The following ZNF212 variants were observed in gnomAD, a reference collection of about 807,000 sequenced individuals.
ZNF212 encodes Zinc finger protein C2H2-150.
In ZNF212, 32 loss-of-function variants were observed where a neutral mutation model predicts 47.3. The observed-to-expected ratio is 0.68, with a 90% CI of 0.51 to 0.91. ZNF212 has a LOEUF of 0.91. ZNF212 is among the 40% of genes least tolerant of loss of function. The probability of loss-of-function intolerance (pLI) is 0.00; values close to 1 mark genes in which losing one functional copy is unlikely to be tolerated. For synonymous variants in ZNF212, 242 were observed against 253.8 expected (o/e 0.95, Z 0.44); for missense variants, 555 against 622.8 (o/e 0.89, Z 1.16).
intron 3 of ZNF212, among the ~76,000 whole-genome samples, chr7:149,251,780 G>A (rs1358847619): frequency 2.0e-5 from 3 of 149,842 alleles, no homozygotes; most frequent in East Asian, 2.1e-4. Context: ...GTGAGCCTCC[G>A]CACCTGGCCT....
chr7:149,239,995 G>A, intron 1 of ZNF212, 193 bp downstream of exon 1: 1 of 646,468 alleles, frequency 1.5e-6, no homozygotes, highest in Non-Finnish European at 2.2e-6. Flanking sequence ...TCCTTCTGCA[G>A]CGGGGTCGGA....
In ZNF212 at chr7:149,239,701, CT is replaced by C; in HGVS notation, c.-77del. On this transcript the variant is annotated 5_prime_UTR_variant, in exon 1 of 5. Transcript: ENST00000335870. ...GGCGGCGGCGGCGGCTTCCAACAGG[CT>C]CTGGGGCGCCGAGCGGACAGGAACG... 8.4e-7 allele frequency: 1 copy of C among 1,192,772 alleles called. No individual in the cohort carries two copies. Among genetic ancestry groups the C allele is most frequent in the South Asian group, 3.4e-5 (1 of 29,068 alleles). 73.9% of individuals were successfully genotyped at this position (1,192,772 alleles called of 1,614,324 possible). A position where few individuals can be genotyped will look rare whatever the true frequency, so the allele number is the denominator to read the frequency against.
intron 1 of ZNF212, among the ~76,000 whole-genome samples, chr7:149,244,872 C>G (rs1277194947): frequency 6.6e-6 from 1 of 152,130 alleles, no homozygotes; most frequent in Non-Finnish European, 1.5e-5. Flanking sequence ...ATTTGCCCCA[C>G]TTGACAGAGA....
intron 1 of ZNF212, among the ~76,000 whole-genome samples, chr7:149,241,670 C>G (rs1455591010): frequency 6.6e-6 from 1 of 152,142 alleles, no homozygotes; most frequent in Non-Finnish European, 1.5e-5. Context: ...TACTTGGAGC[C>G]CCAAAACTTA....
chr7:149,242,742 A>G (rs1002141114), intron 1 of ZNF212, among the ~76,000 whole-genome samples: 1 of 152,244 alleles, frequency 6.6e-6, no homozygotes, highest in Non-Finnish European at 1.5e-5. Context: ...GTTAAAAACA[A>G]TTAAAATACA....
rs1269928842 is a variant in ZNF212 at position 149,252,770 on chromosome 7, G to C, written c.606G>C (p.Glu202Asp). The change falls in exon 4 of 5, where the codon GAG becomes GAC. Residue 202 changes from glutamate to aspartate, a missense_variant. Physicochemically the swap from Glu to Asp is conservative, Grantham distance 45 (BLOSUM62 2). Coordinates refer to ENST00000335870, the MANE Select transcript of ZNF212 (RefSeq NM_012256.4). Reference sequence around the variant, plus strand: ...CAGAGATGCTGGGTGACTTGGAAGAGGAAGGTCCTGGTGGTGCCCACCCAG... The same window carrying C: ...CAGAGATGCTGGGTGACTTGGAAGACGAAGGTCCTGGTGGTGCCCACCCAG... The part of the protein sequence containing the change: ...LGTEMLGDLE[E>D]EGPGGAHPAG... 1.2e-6 allele frequency: 2 copies of C among 1,614,070 alleles called. No homozygotes were observed. Among genetic ancestry groups the C allele is most frequent in the South Asian group, 2.2e-5 (2 of 91,076 alleles).
At position 149,239,679 on chromosome 7, in the gene ZNF212, G is replaced by GGCT; in HGVS notation, c.-98_-97insTGC. ...ATGCACCTGGCATCAACACGGCGGCGGCGGCGGCGGCTTCCAACAGGCTCT... is the reference window on the plus strand; with the variant it reads ...ATGCACCTGGCATCAACACGGCGGCGGCTGCGGCGGCGGCTTCCAACAGGCTCT... On this transcript the variant is annotated 5_prime_UTR_variant, in exon 1 of 5. Coordinates refer to ENST00000335870, the MANE Select transcript of ZNF212 (RefSeq NM_012256.4). 7.8e-7 allele frequency: 1 copy of GGCT among 1,282,438 alleles called. No homozygotes were observed. The highest frequency in any genetic ancestry group is 9.9e-7 in the Non-Finnish European group (1 of 1,007,020). 79.4% of individuals were successfully genotyped at this position (1,282,438 alleles called of 1,614,324 possible).
chr7:149,242,664 GA>G (rs1447129038), intron 1 of ZNF212, among the ~76,000 whole-genome samples: 3 of 152,210 alleles, frequency 2.0e-5, no homozygotes, highest in Non-Finnish European at 4.4e-5. Flanking sequence ...GAGAAGATGT[GA>G]TGATGCATGG....
chr7:149,245,170 G>A (rs1361372848), intron 1 of ZNF212, among the ~76,000 whole-genome samples: 1 of 151,916 alleles, frequency 6.6e-6, no homozygotes, highest in Non-Finnish European at 1.5e-5. Context: ...GCAACATGGT[G>A]AAACCCTGTC....
Position 149,250,358 on chromosome 7 carries a change from A to G in ZNF212, c.224A>G (p.Lys75Arg). The G allele has an allele frequency of 6.2e-7, 1 of 1,614,196 alleles. No homozygotes were observed. Among genetic ancestry groups the G allele is most frequent in the South Asian group, 1.1e-5 (1 of 91,084 alleles). ...LEGRTGTAEK[K>R]LADCEKMAVE... ...GGGCGCACGGGGACAGCCGAGAAGA[A>G]GCTGGCTGACTGCGAGAAGATGGCC... is the stretch of plus-strand genomic sequence containing the variant. The change falls in exon 2 of 5, where the codon AAG becomes AGG. Residue 75 changes from lysine to arginine, a missense_variant. Lys to Arg is a conservative substitution (Grantham distance 26, BLOSUM62 2). Coordinates refer to ENST00000335870, the MANE Select transcript of ZNF212 (RefSeq NM_012256.4).
At chr7:149,244,205 G>T (rs1365741969) in intron 1 of ZNF212, among the ~76,000 whole-genome samples, 6 of 151,892 alleles carry the variant, frequency 4.0e-5, no homozygotes, top group Non-Finnish European at 8.8e-5. Flanking sequence ...AAAGGGTTGG[G>T]GTTACAGGCA....
chr7:149,244,053 A>C (rs1279594432), intron 1 of ZNF212, among the ~76,000 whole-genome samples: 1 of 152,136 alleles, frequency 6.6e-6, no homozygotes, highest in East Asian at 1.9e-4. Flanking sequence ...CTTCTGCCTC[A>C]GCCTCCTGAG....
chr7:149,253,961 C>T lies in ZNF212; in HGVS notation c.1034C>T (p.Thr345Ile), dbSNP rs545733772. 4.2e-5 allele frequency: 67 copies of T among 1,614,004 alleles called. 1 individual carries two copies. The South Asian group carries it at 5.8e-4, about 14-fold the overall frequency. The change falls in exon 5 of 5, where the codon ACA (threonine) becomes ATA (isoleucine). Residue 345 changes from threonine (T) to isoleucine (I), a missense_variant. Thr to Ile is a moderately conservative substitution (Grantham distance 89). Transcript: ENST00000335870. ...AGCCACTCTGGGTGGGGGTCTTGTACACCTGAGGAGCCAGAGGAGAGCCTT... is the reference window on the plus strand; with the variant it reads ...AGCCACTCTGGGTGGGGGTCTTGTATACCTGAGGAGCCAGAGGAGAGCCTT... ...LRSHSGWGSC[T>I]PEEPEESLRP...
In ZNF212 at chr7:149,255,532, CAT is replaced by C. The variant is rs539967130; in HGVS notation, c.*1120_*1121del. ...GGGGGATGGGAGTGGGCTCTGGGGT[CAT>C]ATGTGAACATCCCCTTGGATGATTT... On this transcript the variant is annotated 3_prime_UTR_variant, in exon 5 of 5. Coordinates refer to ENST00000335870, the MANE Select transcript of ZNF212 (RefSeq NM_012256.4). The C allele has an allele frequency of 8.1e-4, 124 of 153,224 alleles. 4 individuals are homozygous for C. The South Asian group carries it at 0.024, about 30-fold the overall frequency. The allele number at this position is 153,224 out of a possible 1,614,324, so 9.5% of individuals were successfully genotyped here.
intron 4 of ZNF212, among the ~76,000 whole-genome samples, chr7:149,253,192 G>A (rs914167521): frequency 4.0e-5 from 6 of 150,374 alleles, no homozygotes; most frequent in African/African-American, 1.5e-4. Flanking sequence ...TAAGCTGTAG[G>A]TTTAGTTTGT....
At chr7:149,239,975 T>C (rs988119985) in intron 1 of ZNF212, 173 bp downstream of exon 1, 8 of 726,032 alleles carry the variant, frequency 1.1e-5, no homozygotes, top group African/African-American at 3.7e-5. Context: ...TGCCCTTTTT[T>C]CCCTCCGCTT....
At chr7:149,242,258 G>A (rs1405191903) in intron 1 of ZNF212, among the ~76,000 whole-genome samples, 2 of 151,528 alleles carry the variant, frequency 1.3e-5, no homozygotes, top group African/African-American at 4.8e-5. Flanking sequence ...CTGACCTCAG[G>A]TGATCCACCT....
chr7:149,252,902 C>T lies in ZNF212; in HGVS notation c.631+107C>T, dbSNP rs1042050922. 14 of 1,078,488 alleles carry T rather than the reference C, an allele frequency of 1.3e-5. No homozygotes were observed. The Admixed American group carries it at 2.9e-4, about 22-fold the overall frequency. The allele number at this position is 1,078,488 out of a possible 1,614,324, so 66.8% of individuals were successfully genotyped here. A position where few individuals can be genotyped will look rare whatever the true frequency, so the allele number is the denominator to read the frequency against. On this transcript the variant is annotated intron_variant, in intron 4 of 4. Coordinates refer to ENST00000335870, the MANE Select transcript of ZNF212 (RefSeq NM_012256.4). The stretch of plus-strand genomic sequence containing the variant: ...GTGCTGACTTGGTGACCTCATCTGG[C>T]ATCTGCTTGTTCTGGACTCCTTTAT...
At position 149,254,958 on chromosome 7, in the gene ZNF212, G is replaced by GT. The variant is rs1796815181; in HGVS notation, c.*549dup. 1 of 152,402 alleles carries GT rather than the reference G, an allele frequency of 6.6e-6. No homozygotes were observed. The allele number at this position is 152,402 out of a possible 1,614,324, so 9.4% of individuals were successfully genotyped here. A position where few individuals can be genotyped will look rare whatever the true frequency, so the allele number is the denominator to read the frequency against. On this transcript the variant is annotated 3_prime_UTR_variant, in exon 5 of 5. Coordinates refer to ENST00000335870, the MANE Select transcript of ZNF212 (RefSeq NM_012256.4). This position sits in a 1 kb window ranked among gnomAD's most constrained non-coding sequence, Gnocchi z 4.5. ...TTTTAAAGAATACAGCCCAACACTT[G>GT]TTTTTTACATTTTAAGAGTTGTAGA...
Sources: gnomAD v4.1 joint callset for allele counts (sites outside exome capture counted in the v4.1 genomes callset) on GRCh38, gnomAD v4.1.1 for gene constraint, Gnocchi (gnomAD v3.1) non-coding constraint, MANE v1.5 for transcripts, NCBI Gene and HGNC (gene_info 2026-07-23, HGNC 2026-07-21) for gene names.